SSH2: variants seen among roughly 807,000 people sequenced by gnomAD.
SSH2 encodes slingshot protein phosphatase 2.
In SSH2, 37 loss-of-function variants were observed where a neutral mutation model predicts 135.2. The ratio of observed to expected loss-of-function variants is 0.27; its 90% CI spans 0.21 to 0.36. The LOEUF (loss-of-function observed/expected upper bound fraction) is 0.36, where lower values mean the gene tolerates loss of function less well. SSH2 is among the 10% of genes least tolerant of loss of function. The probability of loss-of-function intolerance (pLI) is 1.00; values close to 1 mark genes in which losing one functional copy is unlikely to be tolerated. For missense variants in SSH2, 1,408 were observed against 1,765.3 expected (o/e 0.80, Z 3.63); for synonymous variants, 628 against 646.2 (o/e 0.97, Z 0.43).
chr17:29,848,955 G>A lies in SSH2; in HGVS notation c.64-26C>T, dbSNP rs777918068. ...CTGTAATACAAACAAGATCATTTCA[G>A]AGATCCAAACGAATGGGCCCATAAG... is the stretch of plus-strand genomic sequence containing the variant. On this transcript the variant is annotated intron_variant, in intron 1 of 15. Coordinates refer to ENST00000540801, the MANE Select transcript of SSH2 (RefSeq NM_001282129.2). 13 of 1,494,848 alleles carry A rather than the reference G, an allele frequency of 8.7e-6. No homozygotes were observed. The South Asian group carries it at 1.4e-4, about 17-fold the overall frequency. The allele number at this position is 1,494,848 out of a possible 1,614,324, so 92.6% of individuals were successfully genotyped here. A position where few individuals can be genotyped will look rare whatever the true frequency, so the allele number is the denominator to read the frequency against.
At chr17:29,802,610 T>C (rs1454065990) in intron 2 of SSH2, among the ~76,000 whole-genome samples, 2 of 129,786 alleles carry the variant, frequency 1.5e-5, no homozygotes, top group African/African-American at 6.0e-5. Flanking sequence ...AGCGAAACAC[T>C]GTTTCTACAA....
intron 2 of SSH2, among the ~76,000 whole-genome samples, chr17:29,829,539 T>G (rs1046488982): frequency 2.6e-5 from 4 of 152,174 alleles, no homozygotes; most frequent in Admixed American, 6.5e-5. Flanking sequence ...CCTGGGTTCT[T>G]CCTTCGCTGC....
At chr17:29,652,895 G>T (rs1234013737) in intron 12 of SSH2, among the ~76,000 whole-genome samples, 2 of 152,060 alleles carry the variant, frequency 1.3e-5, no homozygotes, top group African/African-American at 4.8e-5. Context: ...TGACCTTGTG[G>T]TCTGCCTGCT....
Position 29,632,575 on chromosome 17 carries a change from C to A in SSH2, c.2619G>T (p.Gly873=), listed in dbSNP as rs2150962290. 4 of 1,614,194 alleles carry A rather than the reference C, an allele frequency of 2.5e-6. No homozygotes were observed. Among genetic ancestry groups the A allele is most frequent in the Middle Eastern group, 1.6e-4 (1 of 6,062 alleles). The change falls in exon 16 of 16, where the codon GGG becomes GGT. Residue 873 remains glycine, a synonymous_variant. Transcript: ENST00000540801. ...TCCCTGAGCCCTGGAGCTCTTGTTCCCCCTCAGCTGGTTCCCCTTCTTCCA... is the reference window on the plus strand; with the variant it reads ...TCCCTGAGCCCTGGAGCTCTTGTTCACCCTCAGCTGGTTCCCCTTCTTCCA... ...ADLEEGEPAE[G]EQELQGSGMH... is the part of the protein sequence containing the mutation.
At chr17:29,706,383 C>T (rs2039199493) in intron 3 of SSH2, among the ~76,000 whole-genome samples, 1 of 152,200 alleles carries the variant, frequency 6.6e-6, no homozygotes, top group African/African-American at 2.4e-5. Context: ...CTTTAAAAAT[C>T]TGCATGCTGG....
At chr17:29,696,433 G>A (rs2038749638) in intron 4 of SSH2, among the ~76,000 whole-genome samples, 3 of 144,596 alleles carry the variant, frequency 2.1e-5, no homozygotes, top group Admixed American at 1.4e-4. Context: ...ACACATATAT[G>A]TGTGTGTATA....
At chr17:29,748,470 G>T (rs986144388) in intron 3 of SSH2, among the ~76,000 whole-genome samples, 1 of 151,824 alleles carries the variant, frequency 6.6e-6, no homozygotes, top group South Asian at 2.1e-4. Flanking sequence ...AATCAAAGAG[G>T]CATCTCGTAC....
chr17:29,652,738 A>C (rs867693963), intron 12 of SSH2, among the ~76,000 whole-genome samples: 2 of 152,218 alleles, frequency 1.3e-5, no homozygotes, highest in South Asian at 2.1e-4. Context: ...GGCTCTCTGC[A>C]ACCTCCGCCT....
chr17:29,631,251 G>A lies in SSH2; in HGVS notation c.3943C>T (p.Leu1315=). The part of the protein sequence containing the change: ...PASCESPHLK[L]LQPFLRTDSG... ...TCTGTTCTGAGGAAAGGCTGAAGCA[G>A]TTTGAGATGAGGGGATTCACAGGAG... is the stretch of plus-strand genomic sequence containing the variant. Residue 1315 remains leucine, a synonymous_variant, in exon 16 of 16, where the codon CTG becomes TTG. Coordinates refer to ENST00000540801, the MANE Select transcript of SSH2 (RefSeq NM_001282129.2). 6.2e-7 allele frequency: 1 copy of A among 1,614,094 alleles called. No individual in the cohort carries two copies.
At chr17:29,676,562 C>T (rs2037731105) in intron 8 of SSH2, 1 of 401,514 alleles carries the variant, frequency 2.5e-6, no homozygotes, top group Admixed American at 4.1e-5. Flanking sequence ...ACTGGCTTAT[C>T]TAAACCGTTA....
intron 3 of SSH2, among the ~76,000 whole-genome samples, chr17:29,771,118 G>T (rs750844191): frequency 6.6e-6 from 1 of 152,110 alleles, no homozygotes; most frequent in Non-Finnish European, 1.5e-5. Flanking sequence ...TTTATAGTAC[G>T]CTGTGACACT....
At chr17:29,861,436 T>C (rs1364984955) in intron 1 of SSH2, among the ~76,000 whole-genome samples, 1 of 152,184 alleles carries the variant, frequency 6.6e-6, no homozygotes, top group Non-Finnish European at 1.5e-5. Flanking sequence ...AATCTTCCTA[T>C]TTTAAAGTTA....
At chr17:29,742,494 TTTTTTTC>T (rs1293447139) in intron 3 of SSH2, among the ~76,000 whole-genome samples, 1 of 147,130 alleles carries the variant, frequency 6.8e-6, no homozygotes, top group Non-Finnish European at 1.5e-5. Flanking sequence ...TTTTTTTTTT[TTTTTTTC>T]TTTTCAATTT....
At chr17:29,715,390 T>C (rs949196466) in intron 3 of SSH2, among the ~76,000 whole-genome samples, 1 of 151,802 alleles carries the variant, frequency 6.6e-6, no homozygotes, top group African/African-American at 2.4e-5. Flanking sequence ...GGACTACAGG[T>C]GCCCGCCACC....
At chr17:29,725,347 C>CAAAAAAAAAAAA (rs11449000) in intron 3 of SSH2, among the ~76,000 whole-genome samples, 2 of 52,788 alleles carry the variant, frequency 3.8e-5, no homozygotes, top group Non-Finnish European at 6.3e-5. Flanking sequence ...AATCAGTCTC[C>CAAAAAAAAAAAA]AAAAAAAAAA....
At chr17:29,806,311 G>C (rs1429077953) in intron 2 of SSH2, among the ~76,000 whole-genome samples, 2 of 152,216 alleles carry the variant, frequency 1.3e-5, no homozygotes, top group Non-Finnish European at 2.9e-5. Context: ...CCTCATGGAA[G>C]TGAGATAATT....
At chr17:29,816,995 TATA>T (rs1160922829) in intron 2 of SSH2, among the ~76,000 whole-genome samples, 2 of 152,302 alleles carry the variant, frequency 1.3e-5, no homozygotes, top group South Asian at 4.1e-4. Context: ...CCAGCTCATG[TATA>T]ATAAGAAAGC....
chr17:29,853,333 C>T (rs1042270909), intron 1 of SSH2, among the ~76,000 whole-genome samples: 1 of 151,664 alleles, frequency 6.6e-6, no homozygotes, highest in Non-Finnish European at 1.5e-5. Context: ...GATCTGCCCA[C>T]CTCGGCCTCC....
chr17:29,833,293 A>G (rs1470177642), intron 2 of SSH2, among the ~76,000 whole-genome samples: 3 of 152,122 alleles, frequency 2.0e-5, no homozygotes, highest in African/African-American at 4.8e-5. Context: ...TATATTTACA[A>G]TTGTTATATC....
Sources: gnomAD v4.1 joint callset for allele counts (sites outside exome capture counted in the v4.1 genomes callset) on GRCh38, gnomAD v4.1.1 for gene constraint, MANE v1.5 for transcripts, NCBI Gene and HGNC (gene_info 2026-07-23, HGNC 2026-07-21) for gene names.